The following TRAPPC10 variants were observed in gnomAD, a reference collection of about 807,000 sequenced individuals.
The protein encoded by TRAPPC10 is TRAPP 130 kDa subunit.
TRAPPC10 carries 23 observed loss-of-function variants against 125.5 expected under a neutral mutation model. That is an observed-to-expected ratio of 0.18 (90% confidence interval 0.13 to 0.26). TRAPPC10 has a LOEUF of 0.26. Among genes scored for constraint, TRAPPC10 ranks in the 10% least tolerant of loss-of-function variants. TRAPPC10 has a pLI of 1.00. For synonymous variants in TRAPPC10, 509 were observed against 518.0 expected (o/e 0.98, Z 0.24); for missense variants, 1,123 against 1,308.4 (o/e 0.86, Z 2.19).
chr21:44,028,846 TTA>T (rs753727865), intron 1 of TRAPPC10, among the ~76,000 whole-genome samples: 3 of 152,158 alleles, frequency 2.0e-5, no homozygotes, highest in South Asian at 2.1e-4. Context: ...AACCACCCTA[TTA>T]ACAAGCGAGT....
chr21:44,024,698 C>T (rs1321068848), intron 1 of TRAPPC10, among the ~76,000 whole-genome samples: 1 of 151,950 alleles, frequency 6.6e-6, no homozygotes, highest in African/African-American at 2.4e-5. Flanking sequence ...TTTATTTTTC[C>T]TGATTATTTT....
At chr21:44,021,767 A>G (rs1213447318) in intron 1 of TRAPPC10, among the ~76,000 whole-genome samples, 1 of 152,112 alleles carries the variant, frequency 6.6e-6, no homozygotes, top group East Asian at 1.9e-4. Context: ...TTATTATTGG[A>G]TTAGATGAGG....
At chr21:44,054,419 A>G (rs760193328) in intron 4 of TRAPPC10, among the ~76,000 whole-genome samples, 101 of 149,420 alleles carry the variant, frequency 6.8e-4, no homozygotes, top group Admixed American at 4.1e-3. Context: ...TGGGGCACGG[A>G]AAAAAGGAAC....
intron 7 of TRAPPC10, among the ~76,000 whole-genome samples, chr21:44,065,178 T>C (rs2036348620): frequency 1.3e-5 from 2 of 152,154 alleles, no homozygotes; most frequent in African/African-American, 2.4e-5. Flanking sequence ...GGAGGCTGAT[T>C]GGAGAGGGCT....
Position 44,083,030 on chromosome 21 carries a change from A to C in TRAPPC10, c.1966A>C (p.Asn656His), listed in dbSNP as rs762435726. 6 of 1,614,148 alleles carry C rather than the reference A, an allele frequency of 3.7e-6. No individual in the cohort carries two copies. Among genetic ancestry groups the C allele is most frequent in the Non-Finnish European group, 5.1e-6 (6 of 1,180,040 alleles). The stretch of plus-strand genomic sequence containing the variant: ...GCACAAGACGTCCAATGGGATCATT[A>C]ACTTTCCACCCGAGACCGCACCTTT... ...TKHKTSNGII[N>H]FPPETAPFPV... The change falls in exon 14 of 23, where the codon AAC (asparagine) becomes CAC (histidine). Residue 656 changes from asparagine to histidine, a missense_variant. This residue lies in a region of TRAPPC10 where 840 missense variants were observed against 902.0 expected (regional missense o/e 0.93). Coordinates refer to ENST00000291574, the MANE Select transcript of TRAPPC10 (RefSeq NM_003274.5).
chr21:44,028,147 A>G (rs1269184496), intron 1 of TRAPPC10, among the ~76,000 whole-genome samples: 1 of 152,248 alleles, frequency 6.6e-6, no homozygotes, highest in Non-Finnish European at 1.5e-5. Flanking sequence ...TACACAAGTA[A>G]TGCATGAATA....
chr21:44,088,717 T>G lies in TRAPPC10; in HGVS notation c.2769+789T>G, dbSNP rs571547656. On this transcript the variant is annotated intron_variant, in intron 17 of 22. Coordinates refer to ENST00000291574, the MANE Select transcript of TRAPPC10 (RefSeq NM_003274.5). ...AGGAGCGCGCAGCACTGGTGGCACC[T>G]GTGCTATGTGCCGTGTTATCCCGCT... The G allele has an allele frequency of 1.2e-4, 19 of 160,524 alleles. No individual in the cohort carries two copies. The South Asian group carries it at 2.8e-3, about 24-fold the overall frequency. The allele number at this position is 160,524 out of a possible 1,614,324, so 9.9% of individuals were successfully genotyped here.
At chr21:44,051,678 G>A (rs1601668046) in intron 3 of TRAPPC10, among the ~76,000 whole-genome samples, 2 of 152,236 alleles carry the variant, frequency 1.3e-5, no homozygotes, top group African/African-American at 4.8e-5. Flanking sequence ...CCTTGCGGAA[G>A]CTGCAGGTCG....
At position 44,083,228 on chromosome 21, in the gene TRAPPC10, G is replaced by A. The variant is rs771421529; in HGVS notation, c.2164G>A (p.Glu722Lys). The A allele has an allele frequency of 1.2e-5, 19 of 1,614,032 alleles. No individual in the cohort carries two copies. In the African/African-American group the frequency reaches 2.4e-4, roughly 20 times the overall value. The change falls in exon 14 of 23, where the codon GAG (glutamate) becomes AAG (lysine). Residue 722 changes from glutamate to lysine, a missense_variant. By Grantham distance (56) the Glu-to-Lys change is moderately conservative. Transcript: ENST00000291574. ...GATGCCCTCAGGGGTGGCTCTGGAG[G>A]AGGGTGCCCACGTGCTGAGGTGCAG... ...LEMPSGVALE[E>K]GAHVLRCSHV...
intron 7 of TRAPPC10, among the ~76,000 whole-genome samples, chr21:44,068,443 C>T (rs1017040129): frequency 9.2e-5 from 14 of 152,036 alleles, no homozygotes; most frequent in Non-Finnish European, 1.6e-4. Context: ...TTGTGTGTCA[C>T]GTTGAAGCTT....
intron 7 of TRAPPC10, among the ~76,000 whole-genome samples, chr21:44,069,297 C>T (rs928475314): frequency 3.9e-5 from 6 of 152,124 alleles, no homozygotes; most frequent in African/African-American, 1.2e-4. Flanking sequence ...GCCCTTACTC[C>T]AGGGCGTACT....
chr21:44,084,335 G>A (rs1320330092), intron 15 of TRAPPC10, 72 bp downstream of exon 15: 37 of 1,467,772 alleles, frequency 2.5e-5, no homozygotes, highest in Non-Finnish European at 3.2e-5. Context: ...TGAGATGCCA[G>A]GCTTCTCATA....
At chr21:44,038,897 G>A (rs9306171) in intron 3 of TRAPPC10, among the ~76,000 whole-genome samples, 53,980 of 151,996 alleles carry the variant, frequency 0.36, 14,845 homozygotes, top group African/African-American at 0.77. Context: ...GAGGACACAC[G>A]TGAGGAGATT....
intron 20 of TRAPPC10, among the ~76,000 whole-genome samples, chr21:44,095,295 G>T (rs1314789232): frequency 6.6e-6 from 1 of 151,876 alleles, no homozygotes; most frequent in Admixed American, 6.6e-5. Context: ...GCCCAGGCTG[G>T]AGTGCAATGG....
In TRAPPC10 at chr21:44,087,847, C is replaced by A; in HGVS notation, c.2688C>A (p.Asp896Glu). 6.2e-7 allele frequency: 1 copy of A among 1,614,210 alleles called. No individual in the cohort carries two copies. The highest frequency in any genetic ancestry group is 8.5e-7 in the Non-Finnish European group (1 of 1,180,042). ...CCCCAGCACTCGGAGGGGAGAGTGA[C>A]ATGCTGGGGATGGCAGAGCCCCACA... ...PSAPALGGES[D>E]MLGMAEPHRK... The change falls in exon 17 of 23, where the codon GAC becomes GAA. Residue 896 changes from aspartate (D) to glutamate (E), a missense_variant. By Grantham distance (45) the Asp-to-Glu change is conservative. Transcript: ENST00000291574. This position sits in a 1 kb window ranked among gnomAD's most constrained non-coding sequence, Gnocchi z 4.6.
At position 44,059,905 on chromosome 21, in the gene TRAPPC10, T is replaced by G. The variant is rs899223178; in HGVS notation, c.790+691T>G. The G allele has an allele frequency of 1.1e-5, 2 of 182,506 alleles. No individual in the cohort carries two copies. Among genetic ancestry groups the G allele is most frequent in the Admixed American group, 5.7e-5 (1 of 17,446 alleles). 11.3% of individuals were successfully genotyped at this position (182,506 alleles called of 1,614,324 possible). A position where few individuals can be genotyped will look rare whatever the true frequency, so the allele number is the denominator to read the frequency against. On this transcript the variant is annotated intron_variant, in intron 6 of 22. Transcript: ENST00000291574. This position sits in a 1 kb window ranked among gnomAD's most constrained non-coding sequence, Gnocchi z 4.4. Reference sequence around the variant, plus strand: ...CTGGCTTGATTCCATTACCTGGTGTTGGACATTGGGTTCTTTTATGCTTCT... The same window carrying G: ...CTGGCTTGATTCCATTACCTGGTGTGGGACATTGGGTTCTTTTATGCTTCT...
chr21:44,060,696 G>A (rs1055872679), intron 6 of TRAPPC10, among the ~76,000 whole-genome samples: 1 of 150,204 alleles, frequency 6.7e-6, no homozygotes, highest in African/African-American at 2.5e-5. Flanking sequence ...TGCCTCCAGG[G>A]TTCAAGCGAT....
At chr21:44,051,226 C>T (rs1219953455) in intron 3 of TRAPPC10, among the ~76,000 whole-genome samples, 1 of 152,152 alleles carries the variant, frequency 6.6e-6, no homozygotes, top group African/African-American at 2.4e-5. Context: ...TTAACTCACT[C>T]GTGGATACTC....
chr21:44,044,165 G>A (rs1201878860), intron 3 of TRAPPC10, among the ~76,000 whole-genome samples: 2 of 152,182 alleles, frequency 1.3e-5, no homozygotes, highest in East Asian at 3.8e-4. Context: ...GAGTCTTCTT[G>A]AATCAGGGAA....
Sources: allele counts gnomAD v4.1 joint callset (sites outside exome capture counted in the v4.1 genomes callset), GRCh38; gene constraint gnomAD v4.1.1; regional missense constraint gnomAD v4.1.1; non-coding constraint Gnocchi (gnomAD v3.1); transcripts MANE v1.5; gene names NCBI Gene and HGNC (gene_info 2026-07-23, HGNC 2026-07-21).